The following ARL3 variants were observed in gnomAD, a reference collection of about 807,000 sequenced individuals.
The protein encoded by ARL3 is ARF like GTPase 3, also known as ADP-ribosylation factor-like protein 3.
ARL3 carries 9 observed loss-of-function variants against 26.0 expected under a neutral mutation model. That is an observed-to-expected ratio of 0.35 (90% CI 0.21 to 0.60). ARL3 has a LOEUF of 0.60. Among genes scored for constraint, ARL3 ranks in the 20% least tolerant of loss-of-function variants. The pLI, the probability that ARL3 is intolerant of heterozygous loss-of-function variation, is 0.78. For synonymous variants in ARL3, 71 were observed against 78.4 expected, an observed-to-expected ratio of 0.91 and a Z score of 0.50; for missense variants, 158 against 215.7, an observed-to-expected ratio of 0.73 and a Z score of 1.67.
intron 1 of ARL3, among the ~76,000 whole-genome samples, chr10:102,708,568 T>G (rs2064321058): frequency 6.6e-6 from 1 of 152,032 alleles, no homozygotes; most frequent in African/African-American, 2.4e-5. Flanking sequence ...TAAAAAAAAT[T>G]TTTTTTGGCC....
chr10:102,688,483 A>G lies in ARL3; in HGVS notation c.315+1410T>C, dbSNP rs1026177982. Among the ~76,000 whole-genome samples the G allele has an allele frequency of 7.5e-5, 11 of 147,126 alleles. 1 individual carries two copies. In the South Asian group the frequency reaches 2.3e-3, roughly 31 times the overall value. On this transcript the variant is annotated intron_variant, in intron 4 of 5. Transcript: ENST00000260746. ...GACACAGGCCAAGGACTCTGCAATG[A>G]TAACTTTTTAAAAAACTTTTTTTTT...
At chr10:102,711,343 T>C (rs2064338573) in intron 1 of ARL3, among the ~76,000 whole-genome samples, 1 of 151,160 alleles carries the variant, frequency 6.6e-6, no homozygotes, top group African/African-American at 2.4e-5. Flanking sequence ...TGTGTATATA[T>C]ATATATATAT....
intron 1 of ARL3, among the ~76,000 whole-genome samples, chr10:102,713,761 C>G (rs2064362373): frequency 6.6e-6 from 1 of 152,192 alleles, no homozygotes; most frequent in Admixed American, 6.5e-5. Context: ...CCCCAGGGGC[C>G]CGCACAGCGC....
chr10:102,712,314 C>G (rs1433804345), intron 1 of ARL3, among the ~76,000 whole-genome samples: 1 of 152,056 alleles, frequency 6.6e-6, no homozygotes, highest in Non-Finnish European at 1.5e-5. Context: ...TCATGGGATA[C>G]CAGATGGGAT....
At chr10:102,687,041 A>AT (rs1032316506) in intron 4 of ARL3, among the ~76,000 whole-genome samples, 2 of 149,580 alleles carry the variant, frequency 1.3e-5, no homozygotes, top group Non-Finnish European at 3.0e-5. Flanking sequence ...TGCCTCGCTA[A>AT]TTTTTTTTGT....
chr10:102,685,788 AG>A (rs3832710), intron 5 of ARL3, 27 bp downstream of exon 5: 612,827 of 1,571,532 alleles, frequency 0.39, 126,134 homozygotes, highest in South Asian at 0.59. Flanking sequence ...TCATGTTGCC[AG>A]GTGGCCAAGC....
At chr10:102,710,620 G>A (rs944471391) in intron 1 of ARL3, among the ~76,000 whole-genome samples, 1 of 152,192 alleles carries the variant, frequency 6.6e-6, no homozygotes, top group Non-Finnish European at 1.5e-5. Flanking sequence ...AAGTACAACA[G>A]TGAGCAAAAC....
intron 5 of ARL3, among the ~76,000 whole-genome samples, chr10:102,681,124 A>G (rs1472584795): frequency 6.6e-6 from 1 of 151,894 alleles, no homozygotes; most frequent in Non-Finnish European, 1.5e-5. Flanking sequence ...GTGGTGGCTC[A>G]CGCCTGTAAT....
At chr10:102,709,075 T>C (rs1180862959) in intron 1 of ARL3, among the ~76,000 whole-genome samples, 1 of 151,142 alleles carries the variant, frequency 6.6e-6, no homozygotes, top group African/African-American at 2.4e-5. Context: ...CAGCTAATTT[T>C]GTGTATTTTT....
chr10:102,710,712 T>C (rs996481279), intron 1 of ARL3, among the ~76,000 whole-genome samples: 10 of 152,210 alleles, frequency 6.6e-5, no homozygotes, highest in African/African-American at 2.2e-4. Flanking sequence ...GTTAAAAGTA[T>C]ATTGTGTGTT....
At position 102,693,839 on chromosome 10, in the gene ARL3, A is replaced by T. The variant is rs557593773; in HGVS notation, c.265-3896T>A. 4.5e-3 allele frequency among the ~76,000 whole-genome samples: 675 copies of T among 151,144 alleles called. 2 individuals are homozygous for T. The highest frequency in any genetic ancestry group is 7.5e-3 in the Non-Finnish European group (509 of 67,746). On this transcript the variant is annotated intron_variant, in intron 3 of 5. Transcript: ENST00000260746. ...AGGTCCACATCACCATGACTGGCTAATTTTTTTTTATTTTTTGTAGAGACA... is the reference window on the plus strand; with the variant it reads ...AGGTCCACATCACCATGACTGGCTATTTTTTTTTTATTTTTTGTAGAGACA...
intron 5 of ARL3, among the ~76,000 whole-genome samples, chr10:102,679,895 A>C (rs2064146853): frequency 6.6e-6 from 1 of 152,160 alleles, no homozygotes; most frequent in Non-Finnish European, 1.5e-5. Context: ...AAGAGGAGGA[A>C]CCTTCTGCTT....
At chr10:102,694,820 G>A (rs1304918295) in intron 3 of ARL3, among the ~76,000 whole-genome samples, 2 of 152,130 alleles carry the variant, frequency 1.3e-5, no homozygotes, top group Non-Finnish European at 2.9e-5. Context: ...CTGGGTTCAA[G>A]CGATTCTCCT....
At chr10:102,697,793 T>G (rs2064257070) in intron 3 of ARL3, among the ~76,000 whole-genome samples, 1 of 151,976 alleles carries the variant, frequency 6.6e-6, no homozygotes, top group Admixed American at 6.6e-5. Context: ...CAAGATAGAA[T>G]GGTGTCTTGG....
At chr10:102,688,619 C>A (rs1376311557) in intron 4 of ARL3, among the ~76,000 whole-genome samples, 9 of 151,782 alleles carry the variant, frequency 5.9e-5, no homozygotes, top group Admixed American at 1.3e-4. Context: ...CCTGCCTCAG[C>A]CTCCAGAGTA....
chr10:102,707,709 CTTTG>C (rs1465777775), intron 1 of ARL3, among the ~76,000 whole-genome samples: 1 of 152,194 alleles, frequency 6.6e-6, no homozygotes, highest in Non-Finnish European at 1.5e-5. Flanking sequence ...CTCAGAGACT[CTTTG>C]TTTACCACTT....
At chr10:102,706,067 T>A (rs1564733712) in intron 1 of ARL3, among the ~76,000 whole-genome samples, 1 of 152,150 alleles carries the variant, frequency 6.6e-6, no homozygotes. Context: ...TTTCATCATT[T>A]CACATTGCAT....
At chr10:102,710,663 G>C (rs1247060945) in intron 1 of ARL3, among the ~76,000 whole-genome samples, 8 of 152,176 alleles carry the variant, frequency 5.3e-5, no homozygotes, top group African/African-American at 1.7e-4. Flanking sequence ...TTATATTCCT[G>C]TGACATTAAA....
intron 2 of ARL3, among the ~76,000 whole-genome samples, chr10:102,701,545 T>C (rs2064279408): frequency 6.6e-6 from 1 of 152,192 alleles, no homozygotes; most frequent in Non-Finnish European, 1.5e-5. Flanking sequence ...CTTAAGCTTA[T>C]TGAAAAAAGT....
Sources: allele counts gnomAD v4.1 joint callset (sites outside exome capture counted in the v4.1 genomes callset), GRCh38; gene constraint gnomAD v4.1.1; transcripts MANE v1.5; gene names NCBI Gene and HGNC (gene_info 2026-07-23, HGNC 2026-07-21).